The following NLGN1 variants were observed in gnomAD, a reference collection of about 807,000 sequenced individuals.
NLGN1 encodes neuroligin 1.
Under a neutral mutation model 65.5 loss-of-function variants are expected in NLGN1, and 12 were observed. The observed-to-expected ratio is 0.18, with a 90% CI of 0.12 to 0.30. The LOEUF (loss-of-function observed/expected upper bound fraction) is 0.30. Among genes scored for constraint, NLGN1 ranks in the 10% least tolerant of loss-of-function variants. The pLI, the probability that NLGN1 is intolerant of heterozygous loss-of-function variation, is 1.00. For missense variants in NLGN1, 750 were observed against 1,007.1 expected (o/e 0.74, Z 3.46); for synonymous variants, 350 against 359.5 (o/e 0.97, Z 0.30).
At chr3:173,463,536 A>G (rs1359825615) in intron 2 of NLGN1, among the ~76,000 whole-genome samples, 1 of 152,138 alleles carries the variant, frequency 6.6e-6, no homozygotes, top group Non-Finnish European at 1.5e-5. Context: ...TCATTTATTA[A>G]TACTGTTATT....
chr3:173,498,537 A>G (rs1264561722), intron 2 of NLGN1, among the ~76,000 whole-genome samples: 1 of 151,832 alleles, frequency 6.6e-6, no homozygotes, highest in Non-Finnish European at 1.5e-5. Flanking sequence ...GCTTTATAGT[A>G]GCATGTTTTA....
intron 3 of NLGN1, among the ~76,000 whole-genome samples, chr3:173,753,944 A>AATAATATAATGTAAT (rs1776678198): frequency 8.6e-6 from 1 of 116,692 alleles, no homozygotes; most frequent in Non-Finnish European, 1.9e-5. Context: ...ATAATATAAT[A>AATAATATAATGTAAT]ATAATATAAT....
intron 4 of NLGN1, among the ~76,000 whole-genome samples, chr3:173,873,461 A>G (rs998796580): frequency 3.9e-5 from 6 of 152,210 alleles, no homozygotes; most frequent in Non-Finnish European, 8.8e-5. Context: ...TCAGTATAAG[A>G]AAAACTAACA....
At chr3:173,539,033 T>C (rs1212007206) in intron 2 of NLGN1, among the ~76,000 whole-genome samples, 10 of 152,076 alleles carry the variant, frequency 6.6e-5, no homozygotes, top group African/African-American at 2.4e-4. Flanking sequence ...CATCTGACCA[T>C]ACCTCCTTAC....
chr3:174,090,524 G>A (rs921115773), intron 4 of NLGN1, among the ~76,000 whole-genome samples: 10 of 151,958 alleles, frequency 6.6e-5, no homozygotes, highest in Admixed American at 2.0e-4. Flanking sequence ...TATTGCTCCA[G>A]AAAGTCCCAC....
chr3:173,624,783 A>T (rs1026279928), intron 3 of NLGN1, among the ~76,000 whole-genome samples: 1 of 152,106 alleles, frequency 6.6e-6, no homozygotes, highest in Non-Finnish European at 1.5e-5. Context: ...TGGTAGTATT[A>T]CCCAGACTAA....
intron 2 of NLGN1, among the ~76,000 whole-genome samples, chr3:173,539,645 T>C (rs375636593): frequency 1.6e-5 from 1 of 63,964 alleles, no homozygotes; most frequent in Non-Finnish European, 3.9e-5. Flanking sequence ...CATATATACA[T>C]ATATAACATA....
At chr3:173,443,173 A>C (rs767689835) in intron 2 of NLGN1, among the ~76,000 whole-genome samples, 16 of 151,840 alleles carry the variant, frequency 1.1e-4, no homozygotes, top group Middle Eastern at 6.8e-3. Context: ...CAGGAATTGG[A>C]GGCTGCAGTA....
chr3:173,955,647 T>C (rs1296334807), intron 4 of NLGN1, among the ~76,000 whole-genome samples: 2 of 152,180 alleles, frequency 1.3e-5, no homozygotes, highest in African/African-American at 4.8e-5. Flanking sequence ...GGTTGGAATC[T>C]AAACAAGAAT....
intron 1 of NLGN1, among the ~76,000 whole-genome samples, chr3:173,426,569 G>T (rs1353827347): frequency 2.0e-5 from 3 of 151,886 alleles, no homozygotes; most frequent in Non-Finnish European, 2.9e-5. Flanking sequence ...TGCTTTTTCT[G>T]CATTCATTGA....
chr3:173,661,243 G>A (rs1760886959), intron 3 of NLGN1, among the ~76,000 whole-genome samples: 1 of 151,984 alleles, frequency 6.6e-6, no homozygotes, highest in South Asian at 2.1e-4. Context: ...AAACTCATTT[G>A]ATGACTGATA....
intron 2 of NLGN1, among the ~76,000 whole-genome samples, chr3:173,444,134 T>A (rs780760467): frequency 1.2e-4 from 19 of 152,202 alleles, no homozygotes; most frequent in Non-Finnish European, 2.6e-4. Flanking sequence ...AATACTAAGA[T>A]TATAGGAATT....
intron 4 of NLGN1, among the ~76,000 whole-genome samples, chr3:174,147,919 T>G (rs558471459): frequency 6.6e-6 from 1 of 152,296 alleles, no homozygotes; most frequent in East Asian, 1.9e-4. Flanking sequence ...TAAACATAAA[T>G]GAACTACCAC....
intron 4 of NLGN1, among the ~76,000 whole-genome samples, chr3:173,958,768 T>C (rs1199312516): frequency 2.6e-5 from 4 of 152,186 alleles, no homozygotes; most frequent in Non-Finnish European, 5.9e-5. Flanking sequence ...CCATTGTTCA[T>C]GGCACCCAGG....
intron 4 of NLGN1, among the ~76,000 whole-genome samples, chr3:174,243,178 T>C (rs1444509783): frequency 5.3e-5 from 8 of 152,220 alleles, no homozygotes; most frequent in Admixed American, 2.6e-4. Flanking sequence ...TGTTCACATA[T>C]AGACATTTCT....
chr3:174,008,996 A>T (rs1724988133), intron 4 of NLGN1, among the ~76,000 whole-genome samples: 1 of 152,142 alleles, frequency 6.6e-6, no homozygotes, highest in Non-Finnish European at 1.5e-5. Flanking sequence ...GGCTGCTGTA[A>T]CGAATACCAT....
intron 4 of NLGN1, among the ~76,000 whole-genome samples, chr3:173,976,760 A>G (rs917165856): frequency 2.0e-5 from 3 of 151,970 alleles, no homozygotes; most frequent in Non-Finnish European, 4.4e-5. Context: ...CATGTTTCTT[A>G]GCTGTCATTT....
chr3:173,588,207 T>G (rs1747830092), intron 2 of NLGN1, among the ~76,000 whole-genome samples: 1 of 152,202 alleles, frequency 6.6e-6, no homozygotes, highest in African/African-American at 2.4e-5. Context: ...TTATTGCTTT[T>G]TAAGAGATAA....
At chr3:174,226,625 A>G (rs1227720577) in intron 4 of NLGN1, among the ~76,000 whole-genome samples, 1 of 152,172 alleles carries the variant, frequency 6.6e-6, no homozygotes, top group Non-Finnish European at 1.5e-5. Context: ...CTCATGATGC[A>G]CTGAATTTTA....
Sources: allele counts gnomAD v4.1 joint callset (sites outside exome capture counted in the v4.1 genomes callset), GRCh38; gene constraint gnomAD v4.1.1; transcripts MANE v1.5; gene names NCBI Gene and HGNC (gene_info 2026-07-23, HGNC 2026-07-21).